The following PCDHGB2 variants were observed in gnomAD, a reference collection of about 807,000 sequenced individuals.
PCDHGB2 encodes protocadherin gamma-B2.
PCDHGB2 carries 55 observed loss-of-function variants against 59.3 expected under a neutral mutation model. That is an observed-to-expected ratio of 0.93 (90% confidence interval 0.75 to 1.16). The LOEUF is 1.16. Ranked by LOEUF, PCDHGB2 falls within the 50% of genes most tolerant of loss-of-function variation. The pLI is 0.00. For missense variants in PCDHGB2, 1,228 were observed against 1,198.5 expected, an observed-to-expected ratio of 1.02 and a Z score of -0.36; for synonymous variants, 516 against 512.0, an observed-to-expected ratio of 1.01 and a Z score of -0.11.
chr5:141,435,181 T>C (rs1249878603), intron 1 of PCDHGB2, among the ~76,000 whole-genome samples: 1 of 152,184 alleles, frequency 6.6e-6, no homozygotes, highest in African/African-American at 2.4e-5. Context: ...TTAACTACAC[T>C]TGAGATGGCT....
chr5:141,433,837 C>CAAAAAAAAAAAAAAA (rs56191208), intron 1 of PCDHGB2, among the ~76,000 whole-genome samples: 1 of 111,692 alleles, frequency 9.0e-6, no homozygotes. Flanking sequence ...AACTCTATCT[C>CAAAAAAAAAAAAAAA]AAAAAAAAAA....
At position 141,362,053 on chromosome 5, in the gene PCDHGB2, C is replaced by T; in HGVS notation, c.1918C>T (p.Gln640Ter). The T allele has an allele frequency of 2.5e-6, 4 of 1,611,724 alleles. No individual in the cohort carries two copies. Among genetic ancestry groups the T allele is most frequent in the Non-Finnish European group, 3.4e-6 (4 of 1,179,624 alleles). Residue 640 changes from glutamine (Q) to a stop codon, truncating the protein, a stop_gained, in exon 1 of 4, where the codon CAG (glutamine) becomes TAG (stop). Coordinates refer to ENST00000522605, the MANE Select transcript of PCDHGB2 (RefSeq NM_018923.3). LOFTEE classifies it high-confidence loss of function. ...RALGDRDAAR[Q>*]RLLVAVRDGG... ...CTTGGGCGACAGGGACGCGGCCCGC[C>T]AGCGCCTGCTGGTCGCTGTGCGTGA...
intron 1 of PCDHGB2, among the ~76,000 whole-genome samples, chr5:141,466,225 C>A (rs925594512): frequency 2.0e-5 from 3 of 152,028 alleles, no homozygotes; most frequent in Admixed American, 6.6e-5. Flanking sequence ...GGCTGGAGTG[C>A]AGTGGCACCA....
intron 1 of PCDHGB2, among the ~76,000 whole-genome samples, chr5:141,446,473 G>C (rs558209769): frequency 2.0e-4 from 29 of 148,138 alleles, no homozygotes; most frequent in Non-Finnish European, 1.5e-4. Context: ...TAGACATATG[G>C]TCATCATTCT....
intron 1 of PCDHGB2, among the ~76,000 whole-genome samples, chr5:141,438,252 G>A (rs1181991674): frequency 6.6e-6 from 1 of 152,072 alleles, no homozygotes. Context: ...AACTGTCATT[G>A]AAGAGACCAT....
At chr5:141,464,580 G>A (rs1459502164) in intron 1 of PCDHGB2, among the ~76,000 whole-genome samples, 1 of 152,118 alleles carries the variant, frequency 6.6e-6, no homozygotes, top group East Asian at 1.9e-4. Context: ...AGATGAGAAT[G>A]TCCATTGTCC....
chr5:141,362,465 C>A lies in PCDHGB2; in HGVS notation c.2330C>A (p.Ala777Glu). The A allele has an allele frequency of 6.2e-7, 1 of 1,614,054 alleles. No homozygotes were observed. The highest frequency in any genetic ancestry group is 1.1e-5 in the South Asian group (1 of 91,084). ...AACATAACCCCGGAATTGGTTCCCG[C>A]GCAAGATCTCGTCTGTGACAATGCC... ...FLNITPELVP[A>E]QDLVCDNASW... The change falls in exon 1 of 4, where the codon GCG becomes GAG. Residue 777 changes from alanine (A) to glutamate (E), a missense_variant. Ala to Glu is a moderately radical substitution (Grantham distance 107). Transcript: ENST00000522605.
chr5:141,366,661 C>T (rs976652914), intron 1 of PCDHGB2: 1 of 1,614,150 alleles, frequency 6.2e-7, no homozygotes, highest in Admixed American at 1.7e-5. Flanking sequence ...ACTACGCAGA[C>T]ACGCTCCTTA....
rs549266523 is a variant in PCDHGB2 at position 141,408,917 on chromosome 5, C to A, written c.2421+46361C>A. ...TTCTGTCAAGGATACCAATGATAAC[C>A]CCCCGGTTTTCAGCAGAGACGAATA... On this transcript the variant is annotated intron_variant, in intron 1 of 3. Coordinates refer to ENST00000522605, the MANE Select transcript of PCDHGB2 (RefSeq NM_018923.3). 12 of 1,613,366 alleles carry A rather than the reference C, an allele frequency of 7.4e-6. No homozygotes were observed. In the African/African-American group the frequency reaches 1.6e-4, roughly 22 times the overall value.
rs764586891 is a variant in PCDHGB2, at chr5:141,477,616, A to G, written c.2422-17191A>G. On this transcript the variant is annotated intron_variant, in intron 1 of 3. Coordinates refer to ENST00000522605, the MANE Select transcript of PCDHGB2 (RefSeq NM_018923.3). This position sits in a 1 kb window ranked among gnomAD's most constrained non-coding sequence, Gnocchi z 4.9. ...TTTCTTTCTTTCTCTTGGAGCAAGGAGCTGAAACCGGGCTAGTGGGTCGCT... is the reference window on the plus strand; with the variant it reads ...TTTCTTTCTTTCTCTTGGAGCAAGGGGCTGAAACCGGGCTAGTGGGTCGCT... The G allele has an allele frequency of 1.2e-6, 2 of 1,614,068 alleles. No individual in the cohort carries two copies. Among genetic ancestry groups the G allele is most frequent in the African/African-American group, 2.7e-5 (2 of 74,924 alleles).
intron 1 of PCDHGB2, chr5:141,419,997 T>C: frequency 2.5e-6 from 4 of 1,614,088 alleles, no homozygotes; most frequent in Non-Finnish European, 3.4e-6. Flanking sequence ...GCTATTGCTC[T>C]ACGCCTGCGA....
chr5:141,481,509 T>C (rs2154578624), intron 1 of PCDHGB2, among the ~76,000 whole-genome samples: 2 of 152,326 alleles, frequency 1.3e-5, no homozygotes, highest in Middle Eastern at 3.4e-3. Context: ...GTATGTGAAT[T>C]ATGTCTCAGT....
intron 1 of PCDHGB2, among the ~76,000 whole-genome samples, chr5:141,467,824 G>A (rs1272399938): frequency 2.0e-5 from 3 of 151,798 alleles, no homozygotes; most frequent in Non-Finnish European, 4.4e-5. Flanking sequence ...ACACCAGGCT[G>A]ATTTTTATAT....
chr5:141,388,729 G>T (rs1407038729), intron 1 of PCDHGB2: 10 of 1,614,012 alleles, frequency 6.2e-6, no homozygotes, highest in Non-Finnish European at 8.5e-6. Context: ...TTCTCTTTCA[G>T]TGAAGCTAGC....
intron 1 of PCDHGB2, chr5:141,441,209 G>A (rs1276958461): frequency 1.3e-5 from 2 of 152,158 alleles, no homozygotes; most frequent in East Asian, 3.9e-4. Flanking sequence ...TCTGCACCTT[G>A]GACAGTAATC....
intron 1 of PCDHGB2, chr5:141,392,959 C>T (rs2092637209): frequency 6.2e-7 from 1 of 1,613,902 alleles, no homozygotes; most frequent in African/African-American, 1.3e-5. Flanking sequence ...GGTAATATCT[C>T]CAAGGACCTG....
At chr5:141,506,444 CAAAAAAAA>C (rs1219684339) in intron 3 of PCDHGB2, among the ~76,000 whole-genome samples, 24 of 95,024 alleles carry the variant, frequency 2.5e-4, no homozygotes, top group African/African-American at 9.5e-4. Flanking sequence ...CGCTCTGTCT[CAAAAAAAA>C]AAAAAAAAAA....
intron 1 of PCDHGB2, chr5:141,364,978 T>C (rs753013611): frequency 1.9e-5 from 31 of 1,613,774 alleles, no homozygotes; most frequent in Admixed American, 5.0e-5. Context: ...CAGCTTTAGA[T>C]GGCGGAGACC....
chr5:141,364,618 C>A (rs373148081), intron 1 of PCDHGB2: 2 of 1,614,140 alleles, frequency 1.2e-6, no homozygotes, highest in South Asian at 1.1e-5. Flanking sequence ...AGGAGCTCTG[C>A]GCTCAGAGCC....
Sources: allele counts gnomAD v4.1 joint callset (sites outside exome capture counted in the v4.1 genomes callset), GRCh38; gene constraint gnomAD v4.1.1; non-coding constraint Gnocchi (gnomAD v3.1); transcripts MANE v1.5; gene names NCBI Gene and HGNC (gene_info 2026-07-23, HGNC 2026-07-21).